COL8A2: variants seen among roughly 807,000 people sequenced by gnomAD.
COL8A2 encodes collagen alpha-2(VIII) chain.
COL8A2 carries 16 observed loss-of-function variants against 24.0 expected under a neutral mutation model. That is an observed-to-expected ratio of 0.67 (90% CI 0.45 to 1.01). COL8A2 has a LOEUF of 1.01. COL8A2 is among the 50% of genes least tolerant of loss of function. COL8A2 has a pLI of 0.00. For missense variants in COL8A2, 818 were observed against 942.4 expected (o/e 0.87, Z 1.73); for synonymous variants, 466 against 424.5 (o/e 1.10, Z -1.20).
At position 36,112,128 on chromosome 1, in the gene COL8A2, C is replaced by T. The variant is rs944488171; in HGVS notation, c.-17+3580G>A. Among the ~76,000 whole-genome samples, 9 of 152,212 alleles carry T rather than the reference C, an allele frequency of 5.9e-5. No individual in the cohort carries two copies. In the East Asian group the frequency reaches 7.7e-4, roughly 13 times the overall value. ...ACGCCATTCTCCTGCCTCAGCCTCC[C>T]GAGTAGCTGGGACTACAGGCGCCTG... On this transcript the variant is annotated intron_variant, in intron 2 of 3. Coordinates refer to ENST00000397799, the MANE Select transcript of COL8A2 (RefSeq NM_005202.4).
At chr1:36,117,294 C>A (rs1643884006) in intron 1 of COL8A2, among the ~76,000 whole-genome samples, 1 of 152,162 alleles carries the variant, frequency 6.6e-6, no homozygotes, top group Non-Finnish European at 1.5e-5. Flanking sequence ...GGTAGGAGGA[C>A]CCTCCAGCTC....
rs945623078 is a variant in COL8A2 at position 36,115,924 on chromosome 1, C to G, written c.-61-172G>C. Among the ~76,000 whole-genome samples, 1 of 151,836 alleles carries G rather than the reference C, an allele frequency of 6.6e-6. No individual in the cohort carries two copies. The highest frequency in any genetic ancestry group is 1.5e-5 in the Non-Finnish European group (1 of 67,952). The stretch of plus-strand genomic sequence containing the variant: ...TAAAAATTTTAAAAAATTAGCTGGG[C>G]ATGATGGTGCACGCCTATAGTCCCA... On this transcript the variant is annotated intron_variant, in intron 1 of 3. Coordinates refer to ENST00000397799, the MANE Select transcript of COL8A2 (RefSeq NM_005202.4). The surrounding 1 kb of genome is among the most constrained non-coding windows in gnomAD (Gnocchi z 5.7).
intron 1 of COL8A2, among the ~76,000 whole-genome samples, chr1:36,120,705 G>GCA (rs2124112353): frequency 6.8e-6 from 1 of 147,578 alleles, no homozygotes; most frequent in East Asian, 2.0e-4. Flanking sequence ...CCGAGATCAT[G>GCA]CCATTGCACC....
At chr1:36,113,501 A>T (rs978440334) in intron 2 of COL8A2, among the ~76,000 whole-genome samples, 1 of 152,216 alleles carries the variant, frequency 6.6e-6, no homozygotes, top group African/African-American at 2.4e-5. Context: ...ACTTCCCTGG[A>T]CAATGCCTGA....
chr1:36,123,875 G>A lies in COL8A2; in HGVS notation c.-62+1182C>T, dbSNP rs1251479481. On this transcript the variant is annotated intron_variant, in intron 1 of 3. Coordinates refer to ENST00000397799, the MANE Select transcript of COL8A2 (RefSeq NM_005202.4). This position sits in a 1 kb window ranked among gnomAD's most constrained non-coding sequence, Gnocchi z 4.1. ...CTGGGAAGCCAGTGACAGCACCTGT[G>A]CCCTGATGGAGACCACCAACCATGG... Among the ~76,000 whole-genome samples the A allele has an allele frequency of 6.6e-6, 1 of 152,090 alleles. No homozygotes were observed. Among genetic ancestry groups the A allele is most frequent in the African/African-American group, 2.4e-5 (1 of 41,412 alleles).
At position 36,098,073 on chromosome 1, in the gene COL8A2, G is replaced by A. The variant is rs61733506; in HGVS notation, c.1608C>T (p.Phe536=). ...GCAAGCCTGCGATGCCAGTCTCATCGAAGGCCCCAGGGGCACCAGGGGGTC... is the reference window on the plus strand; with the variant it reads ...GCAAGCCTGCGATGCCAGTCTCATCAAAGGCCCCAGGGGCACCAGGGGGTC... ...PPGPPGAPGA[F]DETGIAGLHL... The change falls in exon 4 of 4, where the codon TTC becomes TTT. Residue 536 remains phenylalanine, a synonymous_variant. Coordinates refer to ENST00000397799, the MANE Select transcript of COL8A2 (RefSeq NM_005202.4). 34 of 1,571,078 alleles carry A rather than the reference G, an allele frequency of 2.2e-5. No individual in the cohort carries two copies. Among genetic ancestry groups the A allele is most frequent in the Admixed American group, 6.9e-5 (4 of 58,232 alleles).
intron 2 of COL8A2, among the ~76,000 whole-genome samples, chr1:36,114,711 G>A (rs573061900): frequency 2.6e-5 from 4 of 152,144 alleles, no homozygotes; most frequent in South Asian, 4.2e-4. Flanking sequence ...TGCCTGAGGC[G>A]GGCACAGGGC....
rs7523374 is a variant in COL8A2 at position 36,109,029 on chromosome 1, G to A, written c.-17+6679C>T. Among the ~76,000 whole-genome samples the A allele has an allele frequency of 8.9e-3, 1,355 of 152,262 alleles. 25 individuals are homozygous for A. Among genetic ancestry groups the A allele is most frequent in the African/African-American group, 0.031 (1,296 of 41,560 alleles). On this transcript the variant is annotated intron_variant, in intron 2 of 3. Coordinates refer to ENST00000397799, the MANE Select transcript of COL8A2 (RefSeq NM_005202.4). ...CCCAGGCACCCGCTAGGTTCCCAAC[G>A]GACCGGCAGACCCCCACAGGGTGGG...
intron 2 of COL8A2, among the ~76,000 whole-genome samples, chr1:36,104,579 G>A (rs866047786): frequency 5.9e-5 from 9 of 152,006 alleles, no homozygotes; most frequent in Middle Eastern, 6.8e-3. Flanking sequence ...AGGCCGAGGC[G>A]GGCGGATCAT....
chr1:36,120,130 T>C (rs1002871822), intron 1 of COL8A2, among the ~76,000 whole-genome samples: 3 of 151,988 alleles, frequency 2.0e-5, no homozygotes, highest in Non-Finnish European at 2.9e-5. Flanking sequence ...TATTCCTCTT[T>C]CCCCCTCCAC....
rs148933395 is a variant in COL8A2 at position 36,108,182 on chromosome 1, G to A, written c.-17+7526C>T. On this transcript the variant is annotated intron_variant, in intron 2 of 3. Transcript: ENST00000397799. ...CCAAGGGGCTCATCTGGGCTAGAAC[G>A]GGAAAAGCAAGGAACATTCACATGG... Among the ~76,000 whole-genome samples, 8 of 152,360 alleles carry A rather than the reference G, an allele frequency of 5.3e-5. No individual in the cohort carries two copies. In the South Asian group the frequency reaches 6.2e-4, roughly 12 times the overall value.
Position 36,100,093 on chromosome 1 carries a change from T to A in COL8A2, c.150A>T (p.Gly50=). The part of the protein sequence containing the change: ...PVKYIQPMQK[G]PVGPPFREGK... ...CCTCACGGAAGGGCGGTCCCACAGGTCCTTTCTGCATGGGCTGGATGTACT... is the reference window on the plus strand; with the variant it reads ...CCTCACGGAAGGGCGGTCCCACAGGACCTTTCTGCATGGGCTGGATGTACT... The change falls in exon 3 of 4, where the codon GGA becomes GGT. Residue 50 remains glycine, a synonymous_variant. Coordinates refer to ENST00000397799, the MANE Select transcript of COL8A2 (RefSeq NM_005202.4). 1 of 1,612,596 alleles carries A rather than the reference T, an allele frequency of 6.2e-7. No individual in the cohort carries two copies. Among genetic ancestry groups the A allele is most frequent in the Non-Finnish European group, 8.5e-7 (1 of 1,178,982 alleles).
intron 2 of COL8A2, among the ~76,000 whole-genome samples, chr1:36,110,879 A>C (rs1176819928): frequency 2.0e-5 from 3 of 152,164 alleles, no homozygotes; most frequent in African/African-American, 7.2e-5. Context: ...GGGGCCACAA[A>C]GCCTGCTCAG....
At position 36,097,884 on chromosome 1, in the gene COL8A2, G is replaced by A. The variant is rs780889462; in HGVS notation, c.1797C>T (p.Tyr599=). The change falls in exon 4 of 4, where the codon TAC becomes TAT. Residue 599 remains tyrosine (Y), a synonymous_variant. Coordinates refer to ENST00000397799, the MANE Select transcript of COL8A2 (RefSeq NM_005202.4). ...GMPVKFDRTL[Y]NGHSGYNPAT... Reference sequence around the variant, plus strand: ...CTGGGTTGTAGCCGCTGTGGCCATTGTAGAGAGTCCGGTCAAATTTCACGG... The same window carrying A: ...CTGGGTTGTAGCCGCTGTGGCCATTATAGAGAGTCCGGTCAAATTTCACGG... 12 of 1,612,566 alleles carry A rather than the reference G, an allele frequency of 7.4e-6. No individual in the cohort carries two copies. Among genetic ancestry groups the A allele is most frequent in the Non-Finnish European group, 9.3e-6 (11 of 1,179,998 alleles).
chr1:36,100,917 T>G (rs1026851783), intron 2 of COL8A2, among the ~76,000 whole-genome samples: 11 of 100,126 alleles, frequency 1.1e-4, no homozygotes, highest in Non-Finnish European at 2.2e-4. Flanking sequence ...TTTTTTTTTT[T>G]GAGACAGTTT....
intron 1 of COL8A2, among the ~76,000 whole-genome samples, chr1:36,118,787 CCATGAGGTGAACAAT>C (rs1643891423): frequency 6.6e-6 from 1 of 152,106 alleles, no homozygotes; most frequent in Non-Finnish European, 1.5e-5. Context: ...GTGCTGATGG[CCATGAGGTGAACAAT>C]TGGCTCCTGC....
chr1:36,097,298 G>T lies in COL8A2; in HGVS notation c.*271C>A, dbSNP rs1013073904. ...TCCTTCAGGGCCCAGCAGAGGCCAG[G>T]ACTCACAAGGGGCTGGGCTGTGTGC... is the stretch of plus-strand genomic sequence containing the variant. On this transcript the variant is annotated 3_prime_UTR_variant, in exon 4 of 4. Coordinates refer to ENST00000397799, the MANE Select transcript of COL8A2 (RefSeq NM_005202.4). 7.2e-6 allele frequency: 3 copies of T among 414,930 alleles called. No individual in the cohort carries two copies. The highest frequency in any genetic ancestry group is 8.7e-5 in the East Asian group (2 of 22,960). The allele number at this position is 414,930 out of a possible 1,614,324, so 25.7% of individuals were successfully genotyped here. A position where few individuals can be genotyped will look rare whatever the true frequency, so the allele number is the denominator to read the frequency against.
At chr1:36,122,735 C>T (rs1335344484) in intron 1 of COL8A2, among the ~76,000 whole-genome samples, 1 of 152,152 alleles carries the variant, frequency 6.6e-6, no homozygotes, top group Non-Finnish European at 1.5e-5. Context: ...TCTCCCTTGC[C>T]TCGAAGATCC....
intron 2 of COL8A2, among the ~76,000 whole-genome samples, chr1:36,113,867 G>A (rs975255665): frequency 1.3e-5 from 2 of 152,198 alleles, no homozygotes; most frequent in African/African-American, 4.8e-5. Context: ...AGAGATCAGA[G>A]TTCAACAGGC....
Sources: allele counts gnomAD v4.1 joint callset (sites outside exome capture counted in the v4.1 genomes callset), GRCh38; gene constraint gnomAD v4.1.1; non-coding constraint Gnocchi (gnomAD v3.1); transcripts MANE v1.5; gene names NCBI Gene and HGNC (gene_info 2026-07-23, HGNC 2026-07-21).